The following TPO variants were observed in gnomAD, a reference collection of about 807,000 sequenced individuals.
TPO encodes the protein thyroid peroxidase.
TPO carries 78 observed loss-of-function variants against 96.9 expected under a neutral mutation model. The ratio of observed to expected loss-of-function variants is 0.81; its 90% CI spans 0.67 to 0.97. The LOEUF (loss-of-function observed/expected upper bound fraction) is 0.97. TPO is among the 50% of genes least tolerant of loss of function. TPO has a pLI of 0.00. For missense variants in TPO, 1,252 were observed against 1,274.8 expected, an observed-to-expected ratio of 0.98 and a Z score of 0.27; for synonymous variants, 547 against 538.0, an observed-to-expected ratio of 1.02 and a Z score of -0.23.
chr2:1,492,413 C>A (rs1671861402), intron 10 of TPO, among the ~76,000 whole-genome samples: 1 of 152,192 alleles, frequency 6.6e-6, no homozygotes, highest in Non-Finnish European at 1.5e-5. Context: ...CCTCGGCCTC[C>A]AAAAGTGCTG....
At chr2:1,464,179 A>T (rs1470905914) in intron 7 of TPO, among the ~76,000 whole-genome samples, 1 of 152,242 alleles carries the variant, frequency 6.6e-6, no homozygotes, top group Non-Finnish European at 1.5e-5. Context: ...TACTTCACTT[A>T]GAATAATAGT....
chr2:1,374,337 G>C (rs1030394609), exon 1 of TPO: 4 of 152,142 alleles, frequency 2.6e-5, no homozygotes, highest in Non-Finnish European at 4.4e-5. Context: ...TGAGACACCG[G>C]GCCCTTCACT....
At chr2:1,391,659 C>T (rs1396929842) in intron 1 of TPO, among the ~76,000 whole-genome samples, 1 of 152,082 alleles carries the variant, frequency 6.6e-6, no homozygotes. Flanking sequence ...ATGGAATGTT[C>T]TTCCATTTGT....
At position 1,436,285 on chromosome 2, in the gene TPO, C is replaced by G. The variant is rs1665560778; in HGVS notation, c.383C>G (p.Ala128Gly). Residue 128 changes from alanine (A) to glycine (G), a missense_variant, in exon 5 of 17, where the codon GCA (alanine) becomes GGA (glycine). Ala to Gly is a moderately conservative substitution (Grantham distance 60). Coordinates refer to ENST00000329066, the MANE Select transcript of TPO (RefSeq NM_001206744.2). ...ALSEDLLSII[A>G]NMSGCLPYML... Reference sequence around the variant, plus strand: ...TCAGAAGATCTGCTGAGCATCATTGCAAACATGTCTGGATGTCTCCCTTAC... The same window carrying G: ...TCAGAAGATCTGCTGAGCATCATTGGAAACATGTCTGGATGTCTCCCTTAC... 6.2e-7 allele frequency: 1 copy of G among 1,614,106 alleles called. No homozygotes were observed. The highest frequency in any genetic ancestry group is 1.7e-5 in the Admixed American group (1 of 60,008).
At chr2:1,410,203 T>C (rs1280948312), upstream of TPO, among the ~76,000 whole-genome samples, 1 of 152,250 alleles carries the variant, frequency 6.6e-6, no homozygotes. Flanking sequence ...CACCCCACAG[T>C]GTTTACATGT....
At chr2:1,497,531 C>T (rs1051004880) in intron 13 of TPO, among the ~76,000 whole-genome samples, 7 of 152,180 alleles carry the variant, frequency 4.6e-5, no homozygotes, top group African/African-American at 7.2e-5. Context: ...GAGCAGCTTG[C>T]GTCCTCCAAC....
chr2:1,499,777 C>G lies in TPO; in HGVS notation c.2386+3012C>G, dbSNP rs1358961502. 2.0e-5 allele frequency among the ~76,000 whole-genome samples: 3 copies of G among 152,236 alleles called. 1 individual carries two copies. Among genetic ancestry groups the G allele is most frequent in the Admixed American group, 6.5e-5 (1 of 15,280 alleles). ...CTGTCTTCTCTCTCTAGTTCACTAA[C>G]TTGGGCCCAACTTCATGTTCTCCTG... is the stretch of plus-strand genomic sequence containing the variant. On this transcript the variant is annotated intron_variant, in intron 13 of 16. Transcript: ENST00000329066.
Position 1,540,693 on chromosome 2 carries a change from G to A in TPO, c.2718G>A (p.Pro906=), listed in dbSNP as rs149611408. The A allele has an allele frequency of 3.1e-6, 5 of 1,613,208 alleles. No homozygotes were observed. Among genetic ancestry groups the A allele is most frequent in the East Asian group, 4.5e-5 (2 of 44,878 alleles). Residue 906 remains proline, a synonymous_variant, in exon 16 of 17, where the codon CCG becomes CCA. Transcript: ENST00000329066. ...CGKHQAVGTS[P]QRAAAQDSEQ... ...AGCACCAGGCCGTAGGGACCTCACC[G>A]CAGCGGGCCGCAGCTCAGGACTCGG...
At chr2:1,478,319 T>C (rs890191085) in intron 8 of TPO, 2 of 985,390 alleles carry the variant, frequency 2.0e-6, no homozygotes, top group South Asian at 9.4e-5. Flanking sequence ...GGCTGTTTGA[T>C]ATGCGAGTCA....
chr2:1,510,227 G>A (rs1472567698), intron 14 of TPO, among the ~76,000 whole-genome samples: 4 of 151,338 alleles, frequency 2.6e-5, no homozygotes, highest in South Asian at 2.1e-4. Context: ...GCCAGGTAGC[G>A]AAGCTGCCAC....
chr2:1,482,912 C>T (rs1670782172), intron 8 of TPO, among the ~76,000 whole-genome samples: 1 of 152,160 alleles, frequency 6.6e-6, no homozygotes, highest in Non-Finnish European at 1.5e-5. Context: ...TGATCTTGGG[C>T]TCAAGCAATC....
rs188554757 is a variant in TPO at position 1,456,033 on chromosome 2, C to T, written c.613-43C>T. On this transcript the variant is annotated intron_variant, in intron 6 of 16. Transcript: ENST00000329066. The stretch of plus-strand genomic sequence containing the variant: ...CCAAAGGGTCATCTTTCTGCTACCA[C>T]AGGGTCCTCCTATGTCCTGACCAAT... 8.3e-3 allele frequency: 13,262 copies of T among 1,588,506 alleles called. 106 individuals are homozygous for T. The highest frequency in any genetic ancestry group is 9.0e-3 in the Non-Finnish European group (10,411 of 1,161,906).
intron 1 of TPO, among the ~76,000 whole-genome samples, chr2:1,376,295 T>G (rs188598352): frequency 6.6e-6 from 1 of 152,352 alleles, no homozygotes; most frequent in East Asian, 1.9e-4. Context: ...AGCTCCCACA[T>G]GCGTTGATGT....
intron 3 of TPO, among the ~76,000 whole-genome samples, chr2:1,428,765 A>C (rs1047749683): frequency 2.0e-5 from 3 of 152,160 alleles, no homozygotes; most frequent in African/African-American, 4.8e-5. Context: ...GATAGATTTT[A>C]GATAAATGTC....
chr2:1,374,872 A>G (rs1051990279), intron 1 of TPO, among the ~76,000 whole-genome samples: 13 of 151,288 alleles, frequency 8.6e-5, no homozygotes, highest in South Asian at 2.1e-4. Context: ...GACTACAGGC[A>G]CCCGCCACCA....
intron 15 of TPO, among the ~76,000 whole-genome samples, chr2:1,523,632 C>A (rs1371853448): frequency 4.4e-5 from 6 of 137,402 alleles, no homozygotes; most frequent in African/African-American, 1.4e-4. Flanking sequence ...TGTGAGCAAC[C>A]TCCTCAAATC....
chr2:1,431,557 C>T (rs1157100507), intron 3 of TPO, among the ~76,000 whole-genome samples: 1 of 152,142 alleles, frequency 6.6e-6, no homozygotes, highest in African/African-American at 2.4e-5. Context: ...TATACAAATA[C>T]ATAATGAAAT....
rs1317782943 is a variant in TPO, at chr2:1,496,721, C to G, written c.2342C>G (p.Thr781Ser). The G allele has an allele frequency of 1.2e-6, 2 of 1,614,044 alleles. No individual in the cohort carries two copies. The highest frequency in any genetic ancestry group is 2.7e-5 in the African/African-American group (2 of 74,936). ...GAGCTCCAAGGCCGGGAGCAGCTCA[C>G]TTGCACCCAGGAAGGATGGGATTTC... ...GYELQGREQLTCTQEGWDFQP... is the reference protein window; with the variant it reads ...GYELQGREQLSCTQEGWDFQP... Residue 781 changes from threonine (T) to serine (S), a missense_variant, in exon 13 of 17, where the codon ACT becomes AGT. Coordinates refer to ENST00000329066, the MANE Select transcript of TPO (RefSeq NM_001206744.2).
At chr2:1,469,344 A>C (rs1475240939) in intron 7 of TPO, among the ~76,000 whole-genome samples, 1 of 152,148 alleles carries the variant, frequency 6.6e-6, no homozygotes, top group African/African-American at 2.4e-5. Context: ...TCTCTGTCAG[A>C]GGGAAGGTCT....
Sources: gnomAD v4.1 joint callset for allele counts (sites outside exome capture counted in the v4.1 genomes callset) on GRCh38, gnomAD v4.1.1 for gene constraint, MANE v1.5 for transcripts, NCBI Gene and HGNC (gene_info 2026-07-23, HGNC 2026-07-21) for gene names.